BCAS3: variants seen among roughly 807,000 people sequenced by gnomAD.
BCAS3 encodes the protein BCAS3 microtubule associated cell migration factor.
In BCAS3, 53 loss-of-function variants were observed where a neutral mutation model predicts 116.1. That is an observed-to-expected ratio of 0.46 (90% CI 0.37 to 0.57). The LOEUF is 0.57. Among genes scored for constraint, BCAS3 ranks in the 20% least tolerant of loss-of-function variants. The probability of loss-of-function intolerance (pLI) is 0.00; values close to 1 mark genes in which losing one functional copy is unlikely to be tolerated. For missense variants in BCAS3, 917 were observed against 1,165.4 expected, an observed-to-expected ratio of 0.79 and a Z score of 3.10; for synonymous variants, 391 against 408.2, an observed-to-expected ratio of 0.96 and a Z score of 0.51.
intron 7 of BCAS3, among the ~76,000 whole-genome samples, chr17:60,830,055 G>C (rs1599004077): frequency 6.6e-6 from 1 of 152,164 alleles, no homozygotes; most frequent in Non-Finnish European, 1.5e-5. Flanking sequence ...GCAGTGGCGC[G>C]ATCTTAGCTC....
intron 22 of BCAS3, among the ~76,000 whole-genome samples, chr17:61,182,246 A>G (rs996061729): frequency 6.6e-6 from 1 of 152,110 alleles, no homozygotes; most frequent in African/African-American, 2.4e-5. Context: ...AAAGCATCCC[A>G]CCATTTTTGA....
At position 61,237,370 on chromosome 17, in the gene BCAS3, G is replaced by A. The variant is rs868461534; in HGVS notation, c.2426-130957G>A. ...TCCTAAAAGTAGCCAATCGCAAGGA[G>A]GATTGAAAAAAGGGCATTCTGATAG... is the stretch of plus-strand genomic sequence containing the variant. On this transcript the variant is annotated intron_variant, in intron 22 of 23. Coordinates refer to ENST00000407086, the MANE Select transcript of BCAS3 (RefSeq NM_017679.5). 4.6e-5 allele frequency among the ~76,000 whole-genome samples: 7 copies of A among 152,246 alleles called. No homozygotes were observed. In the South Asian group the frequency reaches 1.2e-3, roughly 27 times the overall value.
chr17:61,027,080 T>C (rs2066299876), intron 16 of BCAS3, among the ~76,000 whole-genome samples: 1 of 151,198 alleles, frequency 6.6e-6, no homozygotes, highest in African/African-American at 2.4e-5. Context: ...TTTAGAAAAG[T>C]GGTTTTCTTG....
chr17:61,357,847 G>A (rs1218352289), intron 22 of BCAS3, among the ~76,000 whole-genome samples: 2 of 151,806 alleles, frequency 1.3e-5, no homozygotes, highest in African/African-American at 4.8e-5. Flanking sequence ...CCAGAACTTT[G>A]GGAGGCCGAG....
At position 61,387,036 on chromosome 17, in the gene BCAS3, A is replaced by C. The variant is rs1311088730; in HGVS notation, c.2594-4941A>C. ...TGATCCCCTTGCCTTGGCTTCCCAAAGTGTGGGATTACAGGTGTGAGCCAC... is the reference window on the plus strand; with the variant it reads ...TGATCCCCTTGCCTTGGCTTCCCAACGTGTGGGATTACAGGTGTGAGCCAC... On this transcript the variant is annotated intron_variant, in intron 23 of 23. Transcript: ENST00000407086. This position sits in a 1 kb window ranked among gnomAD's most constrained non-coding sequence, Gnocchi z 6.2. Among the ~76,000 whole-genome samples the C allele has an allele frequency of 1.3e-5, 2 of 152,154 alleles. No individual in the cohort carries two copies. The highest frequency in any genetic ancestry group is 2.4e-5 in the African/African-American group (1 of 41,454).
At chr17:61,153,895 C>G (rs2077681433) in intron 22 of BCAS3, among the ~76,000 whole-genome samples, 1 of 152,164 alleles carries the variant, frequency 6.6e-6, no homozygotes. Flanking sequence ...AATTAACAAC[C>G]AACCAACAAC....
In BCAS3 at chr17:61,139,973, C is replaced by T. The variant is rs1361979757; in HGVS notation, c.2425+55409C>T. ...TGATATGACCGGGCACAGTGGCTCA[C>T]GCCTGTAATCCCAGCACTTTGGGAG... On this transcript the variant is annotated intron_variant, in intron 22 of 23. Coordinates refer to ENST00000407086, the MANE Select transcript of BCAS3 (RefSeq NM_017679.5). The surrounding 1 kb of genome is among the most constrained non-coding windows in gnomAD (Gnocchi z 4.7). 8.5e-5 allele frequency among the ~76,000 whole-genome samples: 13 copies of T among 152,158 alleles called. No individual in the cohort carries two copies. Among genetic ancestry groups the T allele is most frequent in the African/African-American group, 2.9e-4 (12 of 41,420 alleles).
chr17:61,089,486 T>C (rs1251924260), intron 22 of BCAS3, among the ~76,000 whole-genome samples: 2 of 149,704 alleles, frequency 1.3e-5, no homozygotes, highest in Non-Finnish European at 1.5e-5. Context: ...TTTTTTTTTT[T>C]TTCTTCGAGA....
chr17:61,043,381 A>G (rs2067705175), intron 19 of BCAS3, among the ~76,000 whole-genome samples: 1 of 152,050 alleles, frequency 6.6e-6, no homozygotes, highest in Non-Finnish European at 1.5e-5. Context: ...AAAGAGAGGG[A>G]CAATTTGAAA....
chr17:60,737,140 A>G (rs1159850870), intron 5 of BCAS3, among the ~76,000 whole-genome samples: 2 of 152,078 alleles, frequency 1.3e-5, no homozygotes, highest in Non-Finnish European at 2.9e-5. Context: ...GTGTTTCGCC[A>G]TGTTGGCCAG....
intron 11 of BCAS3, among the ~76,000 whole-genome samples, chr17:60,908,695 C>T (rs934144879): frequency 1.3e-5 from 2 of 152,062 alleles, no homozygotes; most frequent in Admixed American, 6.5e-5. Flanking sequence ...TTTATAATCG[C>T]GGGAGTTTGA....
chr17:60,988,294 T>A (rs1015124903), intron 14 of BCAS3, among the ~76,000 whole-genome samples: 6 of 151,044 alleles, frequency 4.0e-5, no homozygotes, highest in Admixed American at 6.6e-5. Context: ...AGTCTAGTCT[T>A]GTCTGGTCTT....
In BCAS3 at chr17:60,986,579, A is replaced by G. The variant is rs541689592; in HGVS notation, c.1222-3392A>G. Among the ~76,000 whole-genome samples the G allele has an allele frequency of 1.4e-4, 22 of 151,836 alleles. No individual in the cohort carries two copies. The East Asian group carries it at 4.2e-3, about 29-fold the overall frequency. ...ATATCTCATTGTAGTTTTGATTTTC[A>G]TTTCTGTAATGATTATTGATGTTGA... is the stretch of plus-strand genomic sequence containing the variant. On this transcript the variant is annotated intron_variant, in intron 14 of 23. Transcript: ENST00000407086.
In BCAS3 at chr17:61,377,612, G is replaced by A. The variant is rs1297359230; in HGVS notation, c.2593+9118G>A. On this transcript the variant is annotated intron_variant, in intron 23 of 23. Coordinates refer to ENST00000407086, the MANE Select transcript of BCAS3 (RefSeq NM_017679.5). The surrounding 1 kb of genome is among the most constrained non-coding windows in gnomAD (Gnocchi z 4.6). ...AGTTTCTTCCTCTGTGACACAGTGTGGGGAGGAGGAGCTAGTAAATGTAGT... is the reference window on the plus strand; with the variant it reads ...AGTTTCTTCCTCTGTGACACAGTGTAGGGAGGAGGAGCTAGTAAATGTAGT... Among the ~76,000 whole-genome samples the A allele has an allele frequency of 1.3e-5, 2 of 152,184 alleles. No homozygotes were observed. The highest frequency in any genetic ancestry group is 6.5e-5 in the Admixed American group (1 of 15,284).
intron 11 of BCAS3, among the ~76,000 whole-genome samples, chr17:60,903,092 C>CT (rs1410573944): frequency 6.6e-6 from 1 of 152,080 alleles, no homozygotes; most frequent in African/African-American, 2.4e-5. Context: ...CAAGTGAGCT[C>CT]TTTTTTTCAT....
rs923327478 is a variant in BCAS3, at chr17:60,741,679, A to T, written c.322-5519A>T. 2.0e-5 allele frequency among the ~76,000 whole-genome samples: 3 copies of T among 152,296 alleles called. No homozygotes were observed. The East Asian group carries it at 5.8e-4, about 29-fold the overall frequency. Reference sequence around the variant, plus strand: ...ATGCATCTATTGATTTAAATCCATAATTTTTGGACACCTACCAGAATGGCT... The same window carrying T: ...ATGCATCTATTGATTTAAATCCATATTTTTTGGACACCTACCAGAATGGCT... On this transcript the variant is annotated intron_variant, in intron 5 of 23. Coordinates refer to ENST00000407086, the MANE Select transcript of BCAS3 (RefSeq NM_017679.5).
intron 6 of BCAS3, among the ~76,000 whole-genome samples, chr17:60,760,555 G>C (rs1335704368): frequency 6.6e-6 from 1 of 150,532 alleles, no homozygotes; most frequent in Non-Finnish European, 1.5e-5. Context: ...CTCCAGGCCT[G>C]TAGCTTTCTG....
At chr17:60,897,088 A>C (rs553714990) in intron 10 of BCAS3, among the ~76,000 whole-genome samples, 1 of 152,266 alleles carries the variant, frequency 6.6e-6, no homozygotes, top group African/African-American at 2.4e-5. Context: ...CATGTCTTGT[A>C]GGGTCAATAT....
At chr17:60,899,675 T>C (rs2057750313) in intron 10 of BCAS3, among the ~76,000 whole-genome samples, 1 of 152,060 alleles carries the variant, frequency 6.6e-6, no homozygotes, top group South Asian at 2.1e-4. Context: ...TTTTTGTATT[T>C]TTCATAGAGA....
Sources: allele counts gnomAD v4.1 joint callset (sites outside exome capture counted in the v4.1 genomes callset), GRCh38; gene constraint gnomAD v4.1.1; non-coding constraint Gnocchi (gnomAD v3.1); transcripts MANE v1.5; gene names NCBI Gene and HGNC (gene_info 2026-07-23, HGNC 2026-07-21).